METTL15: variants seen among roughly 807,000 people sequenced by gnomAD.
METTL15 encodes the protein 12S rRNA N(4)-cytidine methyltransferase METTL15.
In METTL15, 34 loss-of-function variants were observed where a neutral mutation model predicts 38.3. The observed-to-expected ratio is 0.89, with a 90% CI of 0.68 to 1.18. METTL15 has a LOEUF of 1.18. Ranked by LOEUF, METTL15 falls within the 50% of genes most tolerant of loss-of-function variation. METTL15 has a pLI of 0.00. For missense variants in METTL15, 438 were observed against 498.4 expected (o/e 0.88, Z 1.15); for synonymous variants, 162 against 170.9 (o/e 0.95, Z 0.41).
rs186990849 is a variant in METTL15 at position 28,251,328 on chromosome 11, A to G, written c.408-38878A>G. ...TAGAGTTTTGCTTCAAAGTTTACAA[A>G]TAACCCTCTCAGCAGTAAATTTTGT... is the stretch of plus-strand genomic sequence containing the variant. On this transcript the variant is annotated intron_variant, in intron 4 of 6. Transcript: ENST00000407364. Among the ~76,000 whole-genome samples, 138 of 152,212 alleles carry G rather than the reference A, an allele frequency of 9.1e-4. 1 individual carries two copies. Among genetic ancestry groups the G allele is most frequent in the African/African-American group, 3.3e-3 (137 of 41,556 alleles).
At chr11:28,353,589 T>TAACTGGGATGC (rs1242847874) in intron 4 of METTL15, among the ~76,000 whole-genome samples, 38 of 152,222 alleles carry the variant, frequency 2.5e-4, no homozygotes, top group African/African-American at 9.1e-4. Flanking sequence ...ATTGGGGGCT[T>TAACTGGGATGC]AACTGGGATG....
Position 28,210,535 on chromosome 11 carries a change from A to G in METTL15, c.271-527A>G, listed in dbSNP as rs137888121. Among the ~76,000 whole-genome samples, 51 of 151,946 alleles carry G rather than the reference A, an allele frequency of 3.4e-4. No individual in the cohort carries two copies. In the East Asian group the frequency reaches 9.5e-3, roughly 28 times the overall value. On this transcript the variant is annotated intron_variant, in intron 3 of 6. Coordinates refer to ENST00000407364, the MANE Select transcript of METTL15 (RefSeq NM_001113528.2). ...TTGTTATTTTATTATTACAGATACA[A>G]TCTGTAAGTTTGTCAGTTTTCCAGA...
chr11:28,223,663 GA>G (rs1466139645), intron 4 of METTL15, among the ~76,000 whole-genome samples: 6 of 152,092 alleles, frequency 3.9e-5, no homozygotes, highest in Admixed American at 3.3e-4. Flanking sequence ...AACTAAGTCA[GA>G]AATAGAAACT....
chr11:28,487,868 G>C lies in METTL15; in HGVS notation c.*425-38610G>C, dbSNP rs559470051. 3.3e-5 allele frequency among the ~76,000 whole-genome samples: 5 copies of C among 152,242 alleles called. No individual in the cohort carries two copies. In the South Asian group the frequency reaches 1.0e-3, roughly 32 times the overall value. ...TCATGAATCTATAGTTTGGAAGTAA[G>C]AAGGAGCAAACATTTACTAAATGGA... is the stretch of plus-strand genomic sequence containing the variant. On this transcript the variant is annotated intron_variant and NMD_transcript_variant, in intron 6 of 7. Coordinates refer to the METTL15 transcript ENST00000532947.
At chr11:28,226,433 T>C (rs186359267) in intron 4 of METTL15, among the ~76,000 whole-genome samples, 9 of 152,112 alleles carry the variant, frequency 5.9e-5, no homozygotes, top group Non-Finnish European at 1.0e-4. Context: ...AACATAGTAA[T>C]ATAATTAGAG....
At chr11:28,118,538 C>T (rs1427046084) in intron 3 of METTL15, among the ~76,000 whole-genome samples, 1 of 151,570 alleles carries the variant, frequency 6.6e-6, no homozygotes, top group East Asian at 1.9e-4. Flanking sequence ...AATAGATTAA[C>T]TTTTTATTCT....
At chr11:28,450,263 C>T (rs370269526) in intron 6 of METTL15, among the ~76,000 whole-genome samples, 149 of 152,230 alleles carry the variant, frequency 9.8e-4, no homozygotes, top group African/African-American at 1.8e-3. Context: ...ATGAAACTCC[C>T]TTTTAACATT....
chr11:28,337,729 T>C (rs1010018919), downstream of METTL15, among the ~76,000 whole-genome samples: 1 of 152,158 alleles, frequency 6.6e-6, no homozygotes, highest in Non-Finnish European at 1.5e-5. Context: ...TATGTTTAGA[T>C]ACACAAATAC....
rs76357586 is a variant in METTL15, at chr11:28,240,259, C to G, written c.407+29061C>G. On this transcript the variant is annotated intron_variant, in intron 4 of 6. Coordinates refer to ENST00000407364, the MANE Select transcript of METTL15 (RefSeq NM_001113528.2). ...CAGCTGTTAAGTATCATGTAAAGATCAGCTATACTTTGTTCGTAAATATTT... is the reference window on the plus strand; with the variant it reads ...CAGCTGTTAAGTATCATGTAAAGATGAGCTATACTTTGTTCGTAAATATTT... Among the ~76,000 whole-genome samples, 957 of 152,216 alleles carry G rather than the reference C, an allele frequency of 6.3e-3. 10 individuals carry two copies. The highest frequency in any genetic ancestry group is 0.018 in the African/African-American group (768 of 41,546).
intron 3 of METTL15, chr11:28,125,796 C>G (rs985398939): frequency 2.0e-5 from 3 of 151,966 alleles, no homozygotes; most frequent in Non-Finnish European, 4.4e-5. Flanking sequence ...CTTCTAAAAT[C>G]TTATTTTTCT....
At chr11:28,314,397 A>G (rs1160234050) in intron 6 of METTL15, among the ~76,000 whole-genome samples, 1 of 152,200 alleles carries the variant, frequency 6.6e-6, no homozygotes, top group South Asian at 2.1e-4. Context: ...ACTGTTAATC[A>G]TCTGTGTGTT....
At chr11:28,392,640 G>T (rs1850523358) in intron 5 of METTL15, among the ~76,000 whole-genome samples, 1 of 151,978 alleles carries the variant, frequency 6.6e-6, no homozygotes, top group South Asian at 2.1e-4. Flanking sequence ...AGCAAAAAAA[G>T]CAAAAGCAGA....
At chr11:28,187,876 T>G (rs886683165) in intron 3 of METTL15, among the ~76,000 whole-genome samples, 5 of 151,292 alleles carry the variant, frequency 3.3e-5, no homozygotes, top group African/African-American at 4.8e-5. Flanking sequence ...ATAAAAATTT[T>G]CTAATAAATT....
chr11:28,114,367 T>TC (rs148000721), intron 3 of METTL15, among the ~76,000 whole-genome samples: 2,591 of 152,322 alleles, frequency 0.017, 37 homozygotes, highest in Non-Finnish European at 0.029. Context: ...ATTTTGTTTA[T>TC]CCGTTAACCA....
intron 5 of METTL15, among the ~76,000 whole-genome samples, chr11:28,410,302 T>TAG (rs1467575738): frequency 6.6e-5 from 10 of 152,102 alleles, no homozygotes; most frequent in African/African-American, 2.4e-4. Flanking sequence ...ATACCTAAGC[T>TAG]AGACAGACAT....
intron 3 of METTL15, among the ~76,000 whole-genome samples, chr11:28,144,630 C>T (rs556794728): frequency 2.6e-5 from 4 of 151,690 alleles, no homozygotes; most frequent in East Asian, 3.9e-4. Flanking sequence ...TATATATGTG[C>T]GTGTGTGTAA....
rs148261029 is a variant in METTL15, at chr11:28,238,935, T to C, written c.407+27737T>C. Among the ~76,000 whole-genome samples, 28 of 152,362 alleles carry C rather than the reference T, an allele frequency of 1.8e-4. No homozygotes were observed. The East Asian group carries it at 5.2e-3, about 28-fold the overall frequency. The stretch of plus-strand genomic sequence containing the variant: ...TCGTGTGTCATAGTTGACTATTTCC[T>C]ATTCCTTCAAATGATTTTATTTGGA... On this transcript the variant is annotated intron_variant, in intron 4 of 6. Transcript: ENST00000407364.
chr11:28,498,447 C>G (rs867391083), intron 6 of METTL15, among the ~76,000 whole-genome samples: 1 of 152,148 alleles, frequency 6.6e-6, no homozygotes, highest in African/African-American at 2.4e-5. Flanking sequence ...CGTGAGCCAC[C>G]GTGCCTGGCC....
intron 5 of METTL15, among the ~76,000 whole-genome samples, chr11:28,412,469 T>A (rs1850736679): frequency 6.6e-6 from 1 of 151,648 alleles, no homozygotes; most frequent in South Asian, 2.1e-4. Context: ...GAGCTCACAT[T>A]TTCTGTTATG....
Sources: allele counts gnomAD v4.1 joint callset (sites outside exome capture counted in the v4.1 genomes callset), GRCh38; gene constraint gnomAD v4.1.1; transcripts MANE v1.5; gene names NCBI Gene and HGNC (gene_info 2026-07-23, HGNC 2026-07-21).